MAPT: variants seen among roughly 807,000 people sequenced by gnomAD.
MAPT encodes microtubule-associated protein tau.
Under a neutral mutation model 67.9 loss-of-function variants are expected in MAPT, and 34 were observed. The ratio of observed to expected loss-of-function variants is 0.50; its 90% CI spans 0.38 to 0.67. MAPT has a LOEUF of 0.67. Ranked by LOEUF, MAPT falls within the 30% of genes least tolerant of loss-of-function variation. The pLI, the probability that MAPT is intolerant of heterozygous loss-of-function variation, is 0.00. For missense variants in MAPT, 881 were observed against 1,115.2 expected (o/e 0.79, Z 2.99); for synonymous variants, 456 against 464.5 (o/e 0.98, Z 0.23).
chr17:45,949,760 C>G (rs927149056), intron 1 of MAPT, among the ~76,000 whole-genome samples: 3 of 152,084 alleles, frequency 2.0e-5, no homozygotes, highest in Admixed American at 1.3e-4. Context: ...CTTTCTAGAA[C>G]CTGAGTTATC....
chr17:46,013,201 G>A (rs2075940913), intron 10 of MAPT, among the ~76,000 whole-genome samples: 1 of 152,150 alleles, frequency 6.6e-6, no homozygotes, highest in Admixed American at 6.5e-5. Context: ...TGATAGGTGG[G>A]AGGTGGCTGC....
chr17:45,944,518 T>C (rs1214954217), intron 1 of MAPT, among the ~76,000 whole-genome samples: 1 of 152,188 alleles, frequency 6.6e-6, no homozygotes. Flanking sequence ...TCGTGAGTCC[T>C]GGCTTCATGG....
intron 1 of MAPT, among the ~76,000 whole-genome samples, chr17:45,938,663 G>A (rs2067576053): frequency 6.6e-6 from 1 of 151,914 alleles, no homozygotes. Context: ...TTCCTCTTGA[G>A]ACAAGGTCTC....
rs2074473323 is a variant in MAPT, at chr17:45,996,395, C to A, written c.1733-4C>A. The A allele has an allele frequency of 1.2e-6, 2 of 1,611,294 alleles. No individual in the cohort carries two copies. Among genetic ancestry groups the A allele is most frequent in the African/African-American group, 1.3e-5 (1 of 75,020 alleles). On this transcript the variant is annotated splice_polypyrimidine_tract_variant and splice_region_variant and intron_variant, in intron 8 of 12. Coordinates refer to ENST00000262410, the MANE Select transcript of MAPT (RefSeq NM_001377265.1). The surrounding 1 kb of genome is among the most constrained non-coding windows in gnomAD (Gnocchi z 4.5). ...CTGGCTTCACTCCCTTCCTTCCTTC[C>A]CAGGTGAACCTCCAAAATCAGGGGA...
intron 5 of MAPT, among the ~76,000 whole-genome samples, chr17:45,985,078 T>C: frequency 6.6e-6 from 1 of 152,034 alleles, no homozygotes; most frequent in Non-Finnish European, 1.5e-5. Context: ...CCAAGGCAGG[T>C]GGATCATTTG....
At chr17:46,017,272 G>A (rs1380806018) in intron 11 of MAPT, among the ~76,000 whole-genome samples, 2 of 152,026 alleles carry the variant, frequency 1.3e-5, no homozygotes, top group East Asian at 3.8e-4. Context: ...GAGGGAGAAA[G>A]GGTCCTTATT....
At chr17:45,901,093 G>A (rs1665635629) in intron 1 of MAPT, among the ~76,000 whole-genome samples, 1 of 152,120 alleles carries the variant, frequency 6.6e-6, no homozygotes, top group Admixed American at 6.5e-5. Context: ...CACCAAACTG[G>A]GCAGAAGTGG....
At chr17:45,958,754 CT>C (rs1226969746) in intron 1 of MAPT, among the ~76,000 whole-genome samples, 1 of 151,476 alleles carries the variant, frequency 6.6e-6, no homozygotes, top group Admixed American at 6.6e-5. Flanking sequence ...GAGAAAAATG[CT>C]GATCTCACTA....
rs1257397277 is a variant in MAPT at position 45,996,787 on chromosome 17, A to G, written c.1998+123A>G. 1.5e-6 allele frequency: 2 copies of G among 1,377,896 alleles called. No homozygotes were observed. Among genetic ancestry groups the G allele is most frequent in the African/African-American group, 1.5e-5 (1 of 68,868 alleles). 85.4% of individuals were successfully genotyped at this position (1,377,896 alleles called of 1,614,324 possible). ...TGAGCGTGGAGTCGTGGGACTGTGC[A>G]TGGAGGTGTGGGGCTCCCCGCACCT... On this transcript the variant is annotated intron_variant, in intron 9 of 12. Transcript: ENST00000262410. This position sits in a 1 kb window ranked among gnomAD's most constrained non-coding sequence, Gnocchi z 4.5.
At chr17:45,949,840 G>A (rs1377563151) in intron 1 of MAPT, among the ~76,000 whole-genome samples, 1 of 152,178 alleles carries the variant, frequency 6.6e-6, no homozygotes. Context: ...GGTGGAGGAA[G>A]GCGGATTGGT....
At chr17:45,900,945 C>T (rs1337635566) in intron 1 of MAPT, among the ~76,000 whole-genome samples, 1 of 152,114 alleles carries the variant, frequency 6.6e-6, no homozygotes, top group Non-Finnish European at 1.5e-5. Context: ...TCGGCGGTGT[C>T]CTGTGGATGA....
At position 45,991,554 on chromosome 17, in the gene MAPT, C is replaced by A; in HGVS notation, c.1700C>A (p.Thr567Asn). 2 of 1,614,180 alleles carry A rather than the reference C, an allele frequency of 1.2e-6. No homozygotes were observed. The highest frequency in any genetic ancestry group is 1.3e-5 in the African/African-American group (1 of 75,044). ...AACGCCACCAGGATTCCAGCAAAAA[C>A]CCCGCCCGCTCCAAAGACACCACCC... ...QANATRIPAK[T>N]PPAPKTPPSS... The change falls in exon 8 of 13, where the codon ACC becomes AAC. Residue 567 changes from threonine (T) to asparagine (N), a missense_variant. By Grantham distance (65) the Thr-to-Asn change is moderately conservative. This residue lies in a region of MAPT where 687 missense variants were observed against 766.1 expected (regional missense o/e 0.90). Transcript: ENST00000262410.
At chr17:45,984,077 T>C (rs2073292671) in intron 5 of MAPT, 147 bp downstream of exon 5, 2 of 722,638 alleles carry the variant, frequency 2.8e-6, no homozygotes, top group Non-Finnish European at 4.6e-6. Flanking sequence ...TGGGTGCAGC[T>C]GCTCCACTCC....
chr17:45,920,159 G>A (rs138181598), intron 1 of MAPT, among the ~76,000 whole-genome samples: 1,789 of 152,296 alleles, frequency 0.012, 27 homozygotes, highest in Non-Finnish European at 0.016. Flanking sequence ...GTACACGTCC[G>A]GCGGCTCTGG....
chr17:45,940,722 C>T (rs1221634738), intron 1 of MAPT, among the ~76,000 whole-genome samples: 1 of 152,072 alleles, frequency 6.6e-6, no homozygotes, highest in African/African-American at 2.4e-5. Flanking sequence ...ACCCATTTGC[C>T]AAAGTCTCAG....
At chr17:45,984,388 A>G (rs1410104830) in intron 5 of MAPT, among the ~76,000 whole-genome samples, 1 of 152,238 alleles carries the variant, frequency 6.6e-6, no homozygotes, top group African/African-American at 2.4e-5. Context: ...CCGAAGGCCA[A>G]TGAGTAGTAA....
intron 2 of MAPT, among the ~76,000 whole-genome samples, chr17:45,966,121 A>G (rs1194557680): frequency 6.6e-6 from 1 of 152,256 alleles, no homozygotes; most frequent in Non-Finnish European, 1.5e-5. Context: ...ATTTAGAGGC[A>G]GGGCAGCCTG....
At chr17:45,965,454 C>T (rs1020111777) in intron 2 of MAPT, among the ~76,000 whole-genome samples, 7 of 151,580 alleles carry the variant, frequency 4.6e-5, no homozygotes, top group South Asian at 2.1e-4. Flanking sequence ...TTTGCTCTGT[C>T]GCCCAGGCTG....
In MAPT at chr17:46,010,833, G is replaced by A. The variant is rs767397493; in HGVS notation, c.2091+431G>A. Among the ~76,000 whole-genome samples, 5 of 152,222 alleles carry A rather than the reference G, an allele frequency of 3.3e-5. No homozygotes were observed. Among genetic ancestry groups the A allele is most frequent in the African/African-American group, 7.2e-5 (3 of 41,462 alleles). ...AGACTGGGCTGCCGCCTCCTCCCCC[G>A]ACACCTGGGCAGGTTGACGTTGAGT... On this transcript the variant is annotated intron_variant, in intron 10 of 12. Transcript: ENST00000262410. The surrounding 1 kb of genome is among the most constrained non-coding windows in gnomAD (Gnocchi z 4.7).
Sources: gnomAD v4.1 joint callset for allele counts (sites outside exome capture counted in the v4.1 genomes callset) on GRCh38, gnomAD v4.1.1 for gene constraint, gnomAD v4.1.1 regional missense constraint, Gnocchi (gnomAD v3.1) non-coding constraint, MANE v1.5 for transcripts, NCBI Gene and HGNC (gene_info 2026-07-23, HGNC 2026-07-21) for gene names.